ZNF536: variants seen among roughly 807,000 people sequenced by gnomAD.
The protein encoded by ZNF536 is zinc finger protein 536.
In ZNF536, 13 loss-of-function variants were observed where a neutral mutation model predicts 84.5. That is an observed-to-expected ratio of 0.15 (90% confidence interval 0.10 to 0.24). ZNF536 has a LOEUF of 0.24. Among genes scored for constraint, ZNF536 ranks in the 10% least tolerant of loss-of-function variants. ZNF536 has a pLI of 1.00. For synonymous variants in ZNF536, 811 were observed against 742.5 expected (o/e 1.09, Z -1.50); for missense variants, 1,536 against 1,747.5 (o/e 0.88, Z 2.16).
intron 1 of ZNF536, among the ~76,000 whole-genome samples, chr19:30,396,626 T>G (rs4804929): frequency 0.54 from 78,283 of 144,420 alleles, 21,648 homozygotes; most frequent in Non-Finnish European, 0.56. Context: ...ACAAAGTCTC[T>G]CTCTGTCGCC....
intron 2 of ZNF536, among the ~76,000 whole-genome samples, chr19:30,469,233 T>C (rs2053535873): frequency 6.6e-6 from 1 of 152,140 alleles, no homozygotes; most frequent in Non-Finnish European, 1.5e-5. Flanking sequence ...GCTAACATGG[T>C]GAAACCCCAT....
At chr19:30,401,825 A>G (rs2147515311) in intron 1 of ZNF536, among the ~76,000 whole-genome samples, 1 of 152,328 alleles carries the variant, frequency 6.6e-6, no homozygotes, top group Non-Finnish European at 1.5e-5. Flanking sequence ...AGGGAAAAGG[A>G]AAAAAATAGC....
chr19:30,403,774 G>A (rs556627882), intron 1 of ZNF536, among the ~76,000 whole-genome samples: 19 of 152,282 alleles, frequency 1.2e-4, no homozygotes, highest in African/African-American at 4.3e-4. Context: ...TTGTCCCTGG[G>A]CATGCTGTCC....
At chr19:30,539,368 T>TGGACAA in intron 3 of ZNF536, among the ~76,000 whole-genome samples, 1 of 152,288 alleles carries the variant, frequency 6.6e-6, no homozygotes, top group South Asian at 2.1e-4. Context: ...TTCAACGGAT[T>TGGACAA]GGACAAGGTG....
chr19:30,618,019 G>A (rs2048363490), intron 1 of ZNF536, among the ~76,000 whole-genome samples: 1 of 152,168 alleles, frequency 6.6e-6, no homozygotes, highest in African/African-American at 2.4e-5. Flanking sequence ...TGGCTTTACT[G>A]TATACATTGT....
intron 1 of ZNF536, among the ~76,000 whole-genome samples, chr19:30,629,791 C>T (rs1316155808): frequency 6.6e-6 from 1 of 152,250 alleles, no homozygotes; most frequent in African/African-American, 2.4e-5. Context: ...TCCACATTCA[C>T]TCCATTCCCT....
Position 30,709,978 on chromosome 19 carries a change from G to A in ZNF536, c.170-779G>A, listed in dbSNP as rs921771399. On this transcript the variant is annotated intron_variant, in intron 1 of 1. Transcript: ENST00000592773. ...GTTTTTCCATTTTTTTAATGTTTAG[G>A]AAAAAAACTCAAATGAGAATAATAG... 2.6e-5 allele frequency among the ~76,000 whole-genome samples: 4 copies of A among 151,880 alleles called. No individual in the cohort carries two copies. In the East Asian group the frequency reaches 5.8e-4, roughly 22 times the overall value.
intron 1 of ZNF536, among the ~76,000 whole-genome samples, chr19:30,582,846 C>T (rs956154366): frequency 2.7e-4 from 41 of 152,188 alleles, no homozygotes; most frequent in African/African-American, 8.7e-4. Flanking sequence ...AAACCATCCC[C>T]ATGATTCAAT....
chr19:30,687,778 C>T (rs1403931193), intron 1 of ZNF536, among the ~76,000 whole-genome samples: 1 of 152,154 alleles, frequency 6.6e-6, no homozygotes, highest in Admixed American at 6.5e-5. Context: ...ATAAAATACA[C>T]ACAAATATTT....
intron 1 of ZNF536, among the ~76,000 whole-genome samples, chr19:30,694,640 A>G (rs907506373): frequency 6.6e-6 from 1 of 152,300 alleles, no homozygotes; most frequent in Non-Finnish European, 1.5e-5. Flanking sequence ...TTAATGTGAA[A>G]TATTTTTTTA....
intron 2 of ZNF536, among the ~76,000 whole-genome samples, chr19:30,474,335 G>C (rs937764627): frequency 7.7e-5 from 11 of 143,756 alleles, no homozygotes; most frequent in Admixed American, 2.7e-4. Flanking sequence ...CTCTCTCTGT[G>C]TGTGTGTGTG....
At chr19:30,260,910 T>G (rs567620560) in intron 1 of ZNF536, among the ~76,000 whole-genome samples, 2 of 152,344 alleles carry the variant, frequency 1.3e-5, no homozygotes, top group East Asian at 1.9e-4. Context: ...CAGCCTCAGC[T>G]TCAGCTACTG....
intron 2 of ZNF536, among the ~76,000 whole-genome samples, chr19:30,463,467 C>G (rs1209946912): frequency 6.6e-6 from 1 of 152,150 alleles, no homozygotes; most frequent in African/African-American, 2.4e-5. Flanking sequence ...TCTGGGGTCC[C>G]CATTCAGGGA....
chr19:30,583,526 T>C (rs1244862718), intron 1 of ZNF536, among the ~76,000 whole-genome samples: 4 of 152,204 alleles, frequency 2.6e-5, no homozygotes, highest in Non-Finnish European at 5.9e-5. Context: ...GTATGGGTCC[T>C]GGCCTGCAGC....
At chr19:30,532,597 G>C (rs1311437610) in intron 2 of ZNF536, among the ~76,000 whole-genome samples, 1 of 150,478 alleles carries the variant, frequency 6.6e-6, no homozygotes, top group Non-Finnish European at 1.5e-5. Flanking sequence ...TTTTAATCAG[G>C]CTCATCATTA....
intron 1 of ZNF536, among the ~76,000 whole-genome samples, chr19:30,383,743 CTCT>C (rs1160842490): frequency 0.066 from 1,534 of 23,116 alleles, 103 homozygotes; most frequent in African/African-American, 0.19. Context: ...TTCTTTCTTT[CTCT>C]TTCTTTCTTT....
intron 2 of ZNF536, among the ~76,000 whole-genome samples, chr19:30,484,356 A>G (rs533311559): frequency 7.0e-6 from 1 of 143,444 alleles, no homozygotes; most frequent in Non-Finnish European, 1.5e-5. Flanking sequence ...CCTCCCGAGT[A>G]GCTGGGATTA....
At chr19:30,646,960 C>G (rs949287649) in intron 1 of ZNF536, among the ~76,000 whole-genome samples, 11 of 152,110 alleles carry the variant, frequency 7.2e-5, no homozygotes, top group African/African-American at 2.7e-4. Context: ...CACAAGTACC[C>G]TTGGTCCAGA....
chr19:30,302,051 G>T (rs1029584857), intron 2 of ZNF536, among the ~76,000 whole-genome samples: 1 of 149,848 alleles, frequency 6.7e-6, no homozygotes, highest in African/African-American at 2.5e-5. Flanking sequence ...TTTTAGCAAC[G>T]TATACAAATA....
Sources: gnomAD v4.1 joint callset for allele counts (sites outside exome capture counted in the v4.1 genomes callset) on GRCh38, gnomAD v4.1.1 for gene constraint, MANE v1.5 for transcripts, NCBI Gene and HGNC (gene_info 2026-07-23, HGNC 2026-07-21) for gene names.